LRRC7: variants seen among roughly 807,000 people sequenced by gnomAD.
The protein encoded by LRRC7 is leucine rich repeat containing 7, also known as leucine-rich repeat-containing protein 7.
In LRRC7, 23 loss-of-function variants were observed where a neutral mutation model predicts 175.7. The ratio of observed to expected loss-of-function variants is 0.13; its 90% CI spans 0.09 to 0.19. The LOEUF (loss-of-function observed/expected upper bound fraction) is 0.19, where lower values mean the gene tolerates loss of function less well. LRRC7 is among the 10% of genes least tolerant of loss of function. LRRC7 has a pLI of 1.00. For synonymous variants in LRRC7, 685 were observed against 680.9 expected (o/e 1.01, Z -0.09); for missense variants, 1,354 against 1,904.7 (o/e 0.71, Z 5.38).
chr1:69,797,884 CCCA>C (rs1675977348), intron 4 of LRRC7, among the ~76,000 whole-genome samples: 1 of 152,066 alleles, frequency 6.6e-6, no homozygotes, highest in Non-Finnish European at 1.5e-5. Flanking sequence ...ATCTGCCAAT[CCCA>C]CCACACATGA....
intron 14 of LRRC7, among the ~76,000 whole-genome samples, chr1:70,018,183 A>G (rs540741146): frequency 6.6e-6 from 1 of 152,218 alleles, no homozygotes; most frequent in South Asian, 2.1e-4. Context: ...AGAATGAAAT[A>G]TGCACAGAGG....
chr1:69,675,826 A>G (rs1277197665), intron 1 of LRRC7, among the ~76,000 whole-genome samples: 1 of 152,042 alleles, frequency 6.6e-6, no homozygotes, highest in East Asian at 1.9e-4. Flanking sequence ...GAAGCAATTT[A>G]TGTCTTCAAT....
At chr1:70,010,278 G>A (rs967988617) in intron 11 of LRRC7, among the ~76,000 whole-genome samples, 1 of 152,086 alleles carries the variant, frequency 6.6e-6, no homozygotes, top group Non-Finnish European at 1.5e-5. Context: ...CATAAAAAAG[G>A]ATGCTGACCA....
chr1:69,605,067 C>T (rs903389235), intron 1 of LRRC7, among the ~76,000 whole-genome samples: 6 of 152,122 alleles, frequency 3.9e-5, no homozygotes, highest in African/African-American at 9.7e-5. Flanking sequence ...GTGTCCCCAC[C>T]CAAATCTCAT....
Position 70,135,826 on chromosome 1 carries a change from T to C in LRRC7, c.*13939T>C, listed in dbSNP as rs533571633. Among the ~76,000 whole-genome samples, 3 of 152,340 alleles carry C rather than the reference T, an allele frequency of 2.0e-5. No individual in the cohort carries two copies. In the South Asian group the frequency reaches 6.2e-4, roughly 32 times the overall value. On this transcript the variant is annotated 3_prime_UTR_variant, in exon 27 of 27. Transcript: ENST00000651989. ...ACCAGCCATCTTTGATAGCCAGTTT[T>C]GGGATATAAATCTTCAGCCATACTT...
chr1:69,769,236 A>G (rs1395516550), intron 3 of LRRC7, among the ~76,000 whole-genome samples: 1 of 152,226 alleles, frequency 6.6e-6, no homozygotes, highest in Admixed American at 6.5e-5. Context: ...GAGCCTTAGC[A>G]TCTTCATTTG....
At chr1:69,934,124 T>C (rs1335353576) in intron 8 of LRRC7, among the ~76,000 whole-genome samples, 1 of 152,186 alleles carries the variant, frequency 6.6e-6, no homozygotes, top group Non-Finnish European at 1.5e-5. Flanking sequence ...GATTTTGCTC[T>C]GATAAGAGAC....
chr1:69,992,513 G>A lies in LRRC7; in HGVS notation c.932-2048G>A, dbSNP rs142058616. 3.6e-4 allele frequency among the ~76,000 whole-genome samples: 55 copies of A among 152,218 alleles called. No homozygotes were observed. The East Asian group carries it at 0.01, about 28-fold the overall frequency. ...TGCGATAAAGATGTTAAATGCTGGA[G>A]GAAGACATGAGCAACAAGGGTGAGG... On this transcript the variant is annotated intron_variant, in intron 10 of 26. Transcript: ENST00000651989.
chr1:69,887,904 G>A (rs528794223), intron 7 of LRRC7, among the ~76,000 whole-genome samples: 109 of 144,698 alleles, frequency 7.5e-4, no homozygotes, highest in African/African-American at 2.8e-3. Context: ...GCCCCTGCTG[G>A]GGGGTGCCTC....
At chr1:69,700,234 C>T (rs1376065645) in intron 2 of LRRC7, among the ~76,000 whole-genome samples, 1 of 152,152 alleles carries the variant, frequency 6.6e-6, no homozygotes, top group Non-Finnish European at 1.5e-5. Context: ...AGTTTTATTA[C>T]TTACTAGCTG....
intron 4 of LRRC7, among the ~76,000 whole-genome samples, chr1:69,794,750 A>G (rs1675520300): frequency 1.3e-5 from 2 of 152,172 alleles, no homozygotes; most frequent in Non-Finnish European, 1.5e-5. Flanking sequence ...AAATAATTTG[A>G]CATTTTTGTG....
intron 2 of LRRC7, among the ~76,000 whole-genome samples, chr1:69,711,251 T>G (rs1172488186): frequency 6.6e-6 from 1 of 152,224 alleles, no homozygotes; most frequent in Non-Finnish European, 1.5e-5. Context: ...TAATTCAATC[T>G]AAATATGCTC....
At chr1:69,649,421 T>C (rs551944447) in intron 1 of LRRC7, among the ~76,000 whole-genome samples, 2 of 152,284 alleles carry the variant, frequency 1.3e-5, no homozygotes, top group African/African-American at 4.8e-5. Flanking sequence ...AGACCTACAG[T>C]ACTACGGAAG....
At position 69,678,420 on chromosome 1, in the gene LRRC7, C is replaced by T. The variant is rs1440524000; in HGVS notation, c.42C>T (p.Tyr14=). The change falls in exon 2 of 27, where the codon TAC becomes TAT. Residue 14 remains tyrosine, a synonymous_variant. Coordinates refer to ENST00000651989, the MANE Select transcript of LRRC7 (RefSeq NM_001370785.2). ...NLIRGRNPPQ[Y]QRSPCKEVRA... ...TAAGGGGAAGGAATCCCCCGCAATA[C>T]CAGAGAAGTCCTTGTAAAGAGGTTC... 1.0e-5 allele frequency: 16 copies of T among 1,604,854 alleles called. No individual in the cohort carries two copies. The highest frequency in any genetic ancestry group is 1.4e-5 in the Non-Finnish European group (16 of 1,175,992).
At position 70,076,510 on chromosome 1, in the gene LRRC7, C is replaced by T. The variant is rs116859202; in HGVS notation, c.4452+212C>T. 3.1e-3 allele frequency among the ~76,000 whole-genome samples: 474 copies of T among 152,186 alleles called. 5 individuals carry two copies. The highest frequency in any genetic ancestry group is 0.022 in the East Asian group (115 of 5,174). On this transcript the variant is annotated intron_variant, in intron 24 of 26. Transcript: ENST00000651989. ...TATGGTTGGTAAAATACCCATTTTA[C>T]AAAAGGAAAAATTGATGGGGCAGAA...
At chr1:70,031,712 CTGTTTATCAT>C (rs1302973452) in intron 18 of LRRC7, among the ~76,000 whole-genome samples, 3 of 152,090 alleles carry the variant, frequency 2.0e-5, no homozygotes, top group Non-Finnish European at 2.9e-5. Context: ...ATTTTAATTT[CTGTTTATCAT>C]TGATTTTCAA....
intron 10 of LRRC7, among the ~76,000 whole-genome samples, chr1:69,990,800 A>G (rs1385237972): frequency 6.6e-6 from 1 of 152,202 alleles, no homozygotes; most frequent in South Asian, 2.1e-4. Context: ...AAATAAATTC[A>G]AATTGTCATA....
In LRRC7 at chr1:69,994,651, A is replaced by G. The variant is rs756865741; in HGVS notation, c.1004+18A>G. The G allele has an allele frequency of 6.4e-7, 1 of 1,572,768 alleles. No individual in the cohort carries two copies. The highest frequency in any genetic ancestry group is 8.7e-7 in the Non-Finnish European group (1 of 1,145,054). On this transcript the variant is annotated intron_variant, in intron 11 of 26. Coordinates refer to ENST00000651989, the MANE Select transcript of LRRC7 (RefSeq NM_001370785.2). ...ATTGGAAAGTAAGTGCCAACTTTTC[A>G]TTCCAGTCTGCCTCTCAAAAGCCAG...
intron 8 of LRRC7, among the ~76,000 whole-genome samples, chr1:69,938,995 T>TTTTATATATATA (rs1553178449): frequency 2.0e-5 from 2 of 97,606 alleles, no homozygotes; most frequent in African/African-American, 7.9e-5. Flanking sequence ...AGGCTGTAGA[T>TTTTATATATATA]TATATATATA....
Sources: gnomAD v4.1 joint callset for allele counts (sites outside exome capture counted in the v4.1 genomes callset) on GRCh38, gnomAD v4.1.1 for gene constraint, MANE v1.5 for transcripts, NCBI Gene and HGNC (gene_info 2026-07-23, HGNC 2026-07-21) for gene names.